The following GABBR2 variants were observed in gnomAD, a reference collection of about 807,000 sequenced individuals.
The protein encoded by GABBR2 is G-protein coupled receptor 51.
In GABBR2, 23 loss-of-function variants were observed where a neutral mutation model predicts 105.6. The observed-to-expected ratio is 0.22, with a 90% CI of 0.16 to 0.31. The LOEUF (loss-of-function observed/expected upper bound fraction) is 0.31. Ranked by LOEUF, GABBR2 falls within the 10% of genes least tolerant of loss-of-function variation. The probability of loss-of-function intolerance (pLI) is 1.00; values close to 1 mark genes in which losing one functional copy is unlikely to be tolerated. For synonymous variants in GABBR2, 478 were observed against 499.7 expected, an observed-to-expected ratio of 0.96 and a Z score of 0.58; for missense variants, 734 against 1,245.5, an observed-to-expected ratio of 0.59 and a Z score of 6.18.
chr9:98,356,366 G>T (rs1831483301), intron 13 of GABBR2, among the ~76,000 whole-genome samples: 1 of 152,092 alleles, frequency 6.6e-6, no homozygotes, highest in Admixed American at 6.5e-5. Flanking sequence ...GTGCACAAAA[G>T]TTCTGAACAG....
At chr9:98,697,427 T>C (rs1415426486) in intron 1 of GABBR2, among the ~76,000 whole-genome samples, 4 of 149,906 alleles carry the variant, frequency 2.7e-5, no homozygotes, top group Non-Finnish European at 5.9e-5. Context: ...GGAGGCGGAG[T>C]TTGCAGTGAG....
chr9:98,607,832 C>A, intron 1 of GABBR2: 1 of 1,017,258 alleles, frequency 9.8e-7, no homozygotes, highest in Non-Finnish European at 1.5e-6. Context: ...AGCCCTCCGG[C>A]ACAAATGGAA....
intron 2 of GABBR2, among the ~76,000 whole-genome samples, chr9:98,543,946 A>G (rs998946115): frequency 6.6e-6 from 1 of 152,034 alleles, no homozygotes; most frequent in African/African-American, 2.4e-5. Flanking sequence ...CATATTTAAG[A>G]AAGGCCTCTC....
intron 1 of GABBR2, 70 bp from the exon 2 acceptor site, chr9:98,578,142 A>G: frequency 1.3e-6 from 2 of 1,563,092 alleles, no homozygotes; most frequent in Non-Finnish European, 1.7e-6. Flanking sequence ...TGAGCCCAAC[A>G]AACAAATCTT....
At chr9:98,614,818 A>G (rs1382334243) in intron 1 of GABBR2, among the ~76,000 whole-genome samples, 1 of 152,122 alleles carries the variant, frequency 6.6e-6, no homozygotes, top group African/African-American at 2.4e-5. Context: ...ATGCATGAAG[A>G]TCAACCCTGC....
At chr9:98,463,600 TC>T (rs1306277775) in intron 6 of GABBR2, among the ~76,000 whole-genome samples, 2 of 45,042 alleles carry the variant, frequency 4.4e-5, no homozygotes, top group African/African-American at 1.2e-4. Flanking sequence ...CCTCTCGCTC[TC>T]CGTCTCGCTC....
chr9:98,351,771 T>C (rs958568463), intron 13 of GABBR2, among the ~76,000 whole-genome samples: 3 of 152,240 alleles, frequency 2.0e-5, no homozygotes, highest in African/African-American at 4.8e-5. Context: ...TGTATCTCAC[T>C]GAATTTCCTT....
intron 1 of GABBR2, among the ~76,000 whole-genome samples, chr9:98,700,504 ACT>A (rs1041962369): frequency 1.9e-4 from 29 of 151,530 alleles, no homozygotes; most frequent in African/African-American, 6.8e-4. Flanking sequence ...TTCCTACCCG[ACT>A]CTCCTTCCTT....
intron 1 of GABBR2, among the ~76,000 whole-genome samples, chr9:98,702,522 G>C (rs964442013): frequency 6.6e-6 from 1 of 152,224 alleles, no homozygotes. Flanking sequence ...GACATCGCAC[G>C]GCTCCTTGCA....
intron 3 of GABBR2, among the ~76,000 whole-genome samples, chr9:98,504,963 G>A (rs1014597908): frequency 1.3e-5 from 2 of 152,228 alleles, no homozygotes; most frequent in Non-Finnish European, 2.9e-5. Flanking sequence ...GACCAAAGCC[G>A]ACTTCAAACA....
intron 7 of GABBR2, among the ~76,000 whole-genome samples, chr9:98,446,604 G>T (rs2131593569): frequency 6.6e-6 from 1 of 152,316 alleles, no homozygotes; most frequent in South Asian, 2.1e-4. Flanking sequence ...CCTATGTTAA[G>T]TTTATGTGTG....
At chr9:98,335,501 AC>A (rs894528763) in intron 13 of GABBR2, among the ~76,000 whole-genome samples, 4 of 152,164 alleles carry the variant, frequency 2.6e-5, no homozygotes, top group African/African-American at 9.7e-5. Context: ...GCACACCAGA[AC>A]CCATGGCAAC....
chr9:98,609,449 A>T (rs1829474957), intron 1 of GABBR2, among the ~76,000 whole-genome samples: 1 of 152,142 alleles, frequency 6.6e-6, no homozygotes, highest in Non-Finnish European at 1.5e-5. Flanking sequence ...GCATGCCCAT[A>T]TTTCAAGTGA....
At chr9:98,499,942 A>C (rs1827367376) in intron 3 of GABBR2, among the ~76,000 whole-genome samples, 1 of 152,228 alleles carries the variant, frequency 6.6e-6, no homozygotes, top group Non-Finnish European at 1.5e-5. Context: ...AATCCCAGCT[A>C]CTTGGGAGGC....
rs74646139 is a variant in GABBR2, at chr9:98,498,956, A to G, written c.631-2442T>C. On this transcript the variant is annotated intron_variant, in intron 3 of 18. Coordinates refer to ENST00000259455, the MANE Select transcript of GABBR2 (RefSeq NM_005458.8). ...AATGCGTGAGCTCCTGGAAACGCACAGTCTAGCCTTGGCTCTCCACTTGCA... is the reference window on the plus strand; with the variant it reads ...AATGCGTGAGCTCCTGGAAACGCACGGTCTAGCCTTGGCTCTCCACTTGCA... Among the ~76,000 whole-genome samples the G allele has an allele frequency of 2.6e-5, 4 of 152,364 alleles. No homozygotes were observed. The East Asian group carries it at 7.7e-4, about 29-fold the overall frequency.
At position 98,454,447 on chromosome 9, in the gene GABBR2, C is replaced by T. The variant is rs544677161; in HGVS notation, c.1000-230G>A. Among the ~76,000 whole-genome samples, 1 of 152,186 alleles carries T rather than the reference C, an allele frequency of 6.6e-6. No individual in the cohort carries two copies. Among genetic ancestry groups the T allele is most frequent in the Admixed American group, 6.5e-5 (1 of 15,298 alleles). ...TCAGGGGGGTCAACTTGCTTAGTTCCACAAAGCTAGTGAGTGACAAGACTG... is the reference window on the plus strand; with the variant it reads ...TCAGGGGGGTCAACTTGCTTAGTTCTACAAAGCTAGTGAGTGACAAGACTG... On this transcript the variant is annotated intron_variant, in intron 6 of 18. Transcript: ENST00000259455. The surrounding 1 kb of genome is among the most constrained non-coding windows in gnomAD (Gnocchi z 4.6).
intron 3 of GABBR2, among the ~76,000 whole-genome samples, chr9:98,497,909 A>G (rs1401482540): frequency 1.3e-5 from 2 of 152,230 alleles, no homozygotes; most frequent in African/African-American, 2.4e-5. Context: ...GGAAGCAGGG[A>G]CTTGACAGAC....
rs1263590589 is a variant in GABBR2 at position 98,389,136 on chromosome 9, G to C, written c.1379-132C>G. The C allele has an allele frequency of 7.2e-6, 5 of 695,568 alleles. No individual in the cohort carries two copies. In the East Asian group the frequency reaches 1.3e-4, roughly 18 times the overall value. The allele number at this position is 695,568 out of a possible 1,614,324, so 43.1% of individuals were successfully genotyped here. A position where few individuals can be genotyped will look rare whatever the true frequency, so the allele number is the denominator to read the frequency against. On this transcript the variant is annotated intron_variant, in intron 9 of 18. Transcript: ENST00000259455. Reference sequence around the variant, plus strand: ...TACACAAGGCACATCTATCTACCGGGTGAGCCAGATCCGGTGGTTGGCCAG... The same window carrying C: ...TACACAAGGCACATCTATCTACCGGCTGAGCCAGATCCGGTGGTTGGCCAG...
intron 8 of GABBR2, among the ~76,000 whole-genome samples, chr9:98,404,605 T>C (rs1325943244): frequency 6.6e-6 from 1 of 152,118 alleles, no homozygotes; most frequent in Non-Finnish European, 1.5e-5. Flanking sequence ...GAGAGGTTCA[T>C]CTAGTCGTTT....
Sources: gnomAD v4.1 joint callset for allele counts (sites outside exome capture counted in the v4.1 genomes callset) on GRCh38, gnomAD v4.1.1 for gene constraint, Gnocchi (gnomAD v3.1) non-coding constraint, MANE v1.5 for transcripts, NCBI Gene and HGNC (gene_info 2026-07-23, HGNC 2026-07-21) for gene names.